The following JAKMIP3 variants were observed in gnomAD, a reference collection of about 807,000 sequenced individuals.
JAKMIP3 encodes the protein Janus kinase and microtubule interacting protein 3.
A neutral mutation model predicts 118.5 loss-of-function variants in JAKMIP3; 58 were observed. That is an observed-to-expected ratio of 0.49 (90% confidence interval 0.40 to 0.61). JAKMIP3 has a LOEUF of 0.61. JAKMIP3 is among the 20% of genes least tolerant of loss of function. JAKMIP3 has a pLI of 0.00. For synonymous variants in JAKMIP3, 486 were observed against 451.2 expected (o/e 1.08, Z -0.98); for missense variants, 950 against 1,109.0 (o/e 0.86, Z 2.04).
At chr10:132,114,875 T>G (rs149337844) in intron 2 of JAKMIP3, among the ~76,000 whole-genome samples, 48 of 152,314 alleles carry the variant, frequency 3.2e-4, no homozygotes, top group Middle Eastern at 3.4e-3. Flanking sequence ...AATGGTACAT[T>G]TGGTATTTTC....
chr10:132,131,257 G>T (rs1395562935), intron 3 of JAKMIP3, among the ~76,000 whole-genome samples: 34 of 149,712 alleles, frequency 2.3e-4, no homozygotes, highest in Admixed American at 5.3e-4. Context: ...GGGGCAGGGA[G>T]ATGGGAGCTT....
chr10:132,166,227 G>A (rs779786677), intron 21 of JAKMIP3, among the ~76,000 whole-genome samples: 7 of 152,114 alleles, frequency 4.6e-5, no homozygotes, highest in East Asian at 3.9e-4. Context: ...TCAGGGGGCC[G>A]AGGTGGGAGG....
chr10:132,166,893 G>A, intron 21 of JAKMIP3, 90 bp from the exon 22 acceptor site: 2 of 900,630 alleles, frequency 2.2e-6, no homozygotes, highest in Non-Finnish European at 3.5e-6. Flanking sequence ...TCTTCAGTCT[G>A]TAATCGCGTG....
chr10:132,039,391 A>T (rs1314686389), intron 1 of JAKMIP3, among the ~76,000 whole-genome samples: 2 of 113,736 alleles, frequency 1.8e-5, no homozygotes, highest in African/African-American at 6.9e-5. Context: ...TCCGGTTTTG[A>T]CATCCCCCCA....
chr10:132,129,023 T>G (rs2050125439), intron 3 of JAKMIP3, among the ~76,000 whole-genome samples: 1 of 152,214 alleles, frequency 6.6e-6, no homozygotes, highest in African/African-American at 2.4e-5. Flanking sequence ...TTCACGTGTC[T>G]AATGATTTTC....
intron 1 of JAKMIP3, among the ~76,000 whole-genome samples, chr10:132,050,344 C>T (rs1270037137): frequency 6.6e-6 from 1 of 152,228 alleles, no homozygotes; most frequent in Non-Finnish European, 1.5e-5. Context: ...CTCTGGCTCA[C>T]CCACGTGGAA....
intron 19 of JAKMIP3, among the ~76,000 whole-genome samples, chr10:132,159,682 ATGTGATGCTCAGGGGGCCTCTCCCTG>A (rs1564982004): frequency 5.0e-5 from 2 of 40,376 alleles, no homozygotes; most frequent in African/African-American, 8.4e-5. Flanking sequence ...TCCTCTCCCT[ATGTGATGCTCAGGGGGCCTCTCCCTG>A]TGTGATGCTG....
intron 9 of JAKMIP3, 136 bp from the exon 10 acceptor site, chr10:132,140,315 G>C (rs2053227054): frequency 7.6e-7 from 1 of 1,321,190 alleles, no homozygotes. Context: ...TCCTCGGCCT[G>C]TGCCAGGGAC....
chr10:132,123,674 T>A (rs770867324), intron 3 of JAKMIP3, among the ~76,000 whole-genome samples: 2 of 152,202 alleles, frequency 1.3e-5, no homozygotes, highest in Non-Finnish European at 2.9e-5. Flanking sequence ...AGTCTGGGCA[T>A]GAGTGTGTCT....
upstream of JAKMIP3, among the ~76,000 whole-genome samples, chr10:132,061,194 G>A (rs1299820071): frequency 3.3e-5 from 4 of 119,634 alleles, no homozygotes; most frequent in Admixed American, 1.7e-4. Context: ...CCGTGACGGC[G>A]CACACACACA....
At chr10:132,111,298 C>T (rs369847205) in intron 2 of JAKMIP3, among the ~76,000 whole-genome samples, 4 of 152,034 alleles carry the variant, frequency 2.6e-5, no homozygotes, top group Non-Finnish European at 4.4e-5. Context: ...AGCCAGCAGA[C>T]GCAGTGAGTA....
At position 132,133,386 on chromosome 10, in the gene JAKMIP3, T is replaced by C; in HGVS notation, c.708T>C (p.Ala236=). 6.2e-7 allele frequency: 1 copy of C among 1,602,768 alleles called. No individual in the cohort carries two copies. The highest frequency in any genetic ancestry group is 8.5e-7 in the Non-Finnish European group (1 of 1,174,698). ...AGTTAGGGGTTCAAGCCGGGCATGC[T>C]CAGAGACTGCAGCTCCAAAAAGAGG... is the stretch of plus-strand genomic sequence containing the variant. ...ERELGVQAGH[A]QRLQLQKEAL... Residue 236 remains alanine, a synonymous_variant, in exon 4 of 24, where the codon GCT becomes GCC. Coordinates refer to ENST00000684848, the MANE Select transcript of JAKMIP3 (RefSeq NM_001323087.2).
chr10:132,111,205 C>T (rs2046811270), intron 2 of JAKMIP3, among the ~76,000 whole-genome samples: 2 of 152,322 alleles, frequency 1.3e-5, no homozygotes, highest in South Asian at 2.1e-4. Flanking sequence ...CCACAGGAAA[C>T]ATGTCCCAGG....
At chr10:132,121,045 G>A (rs2048464054) in intron 3 of JAKMIP3, among the ~76,000 whole-genome samples, 1 of 152,198 alleles carries the variant, frequency 6.6e-6, no homozygotes, top group Non-Finnish European at 1.5e-5. Context: ...CTCGGAACAG[G>A]GCTGGGACAG....
rs543688708 is a variant in JAKMIP3 at position 132,142,417 on chromosome 10, C to T, written c.1602+369C>T. Among the ~76,000 whole-genome samples, 8 of 152,270 alleles carry T rather than the reference C, an allele frequency of 5.3e-5. No individual in the cohort carries two copies. In the East Asian group the frequency reaches 1.2e-3, roughly 22 times the overall value. ...CGATGGCCCGTGGCAGCATCGAGCT[C>T]GGTGTTGAAACTTGTGGAGGTCATT... On this transcript the variant is annotated intron_variant, in intron 11 of 23. Transcript: ENST00000684848.
intron 1 of JAKMIP3, among the ~76,000 whole-genome samples, chr10:132,080,534 TTTTTTA>T (rs1391351393): frequency 1.9e-5 from 2 of 106,860 alleles, no homozygotes; most frequent in East Asian, 5.9e-4. Context: ...TTTTTTTTTT[TTTTTTA>T]AGATGGAGTC....
Position 132,168,264 on chromosome 10 carries a change from C to T in JAKMIP3, c.*334C>T, listed in dbSNP as rs771389360. ...TTCCAGGGATGTGTAGCATTCCCTGCCAAGCAGGGGTGAGAACTGCTTCTG... is the reference window on the plus strand; with the variant it reads ...TTCCAGGGATGTGTAGCATTCCCTGTCAAGCAGGGGTGAGAACTGCTTCTG... On this transcript the variant is annotated 3_prime_UTR_variant, in exon 23 of 24. Coordinates refer to ENST00000684848, the MANE Select transcript of JAKMIP3 (RefSeq NM_001323087.2). 1.2e-4 allele frequency: 149 copies of T among 1,289,210 alleles called. No individual in the cohort carries two copies. The highest frequency in any genetic ancestry group is 2.6e-5 in the Non-Finnish European group (26 of 988,770). The allele number at this position is 1,289,210 out of a possible 1,614,324, so 79.9% of individuals were successfully genotyped here.
chr10:132,085,720 C>T (rs1352109122), intron 1 of JAKMIP3, among the ~76,000 whole-genome samples: 10 of 152,114 alleles, frequency 6.6e-5, no homozygotes, highest in African/African-American at 1.7e-4. Context: ...AGGCTGGTCT[C>T]GAACTCCTGA....
rs1354336355 is a variant in JAKMIP3, at chr10:132,140,514, T to C, written c.1408T>C (p.Ser470Pro). The C allele has an allele frequency of 6.2e-7, 1 of 1,613,686 alleles. No homozygotes were observed. The highest frequency in any genetic ancestry group is 1.1e-5 in the South Asian group (1 of 91,056). Residue 470 changes from serine (S) to proline (P), a missense_variant, in exon 10 of 24, where the codon TCC becomes CCC. By Grantham distance (74) the Ser-to-Pro change is moderately conservative. Coordinates refer to ENST00000684848, the MANE Select transcript of JAKMIP3 (RefSeq NM_001323087.2). ...GGCTTCCCTGGAATCCGACGGCTCC[T>C]CCGTCTCTTACCAAACAGACAGGAC... ...EEASLESDGS[S>P]VSYQTDRTDQ...
Sources: allele counts gnomAD v4.1 joint callset (sites outside exome capture counted in the v4.1 genomes callset), GRCh38; gene constraint gnomAD v4.1.1; transcripts MANE v1.5; gene names NCBI Gene and HGNC (gene_info 2026-07-23, HGNC 2026-07-21).